Variants in MYO5C observed in about 807,000 individuals in gnomAD.
MYO5C encodes myosin VC.
A neutral mutation model predicts 235.7 loss-of-function variants in MYO5C; 194 were observed. The ratio of observed to expected loss-of-function variants is 0.82; its 90% CI spans 0.73 to 0.93. MYO5C has a LOEUF of 0.93. Among genes scored for constraint, MYO5C ranks in the 40% least tolerant of loss-of-function variants. The probability of loss-of-function intolerance (pLI) is 0.00; values close to 1 mark genes in which losing one functional copy is unlikely to be tolerated. For missense variants in MYO5C, 2,038 were observed against 2,127.2 expected (o/e 0.96, Z 0.82); for synonymous variants, 707 against 754.8 (o/e 0.94, Z 1.04).
chr15:52,268,811 G>A (rs759556315), intron 8 of MYO5C, among the ~76,000 whole-genome samples: 2 of 152,212 alleles, frequency 1.3e-5, no homozygotes, highest in Non-Finnish European at 2.9e-5. Flanking sequence ...CTGAGCAATA[G>A]AAGATGGGGT....
At chr15:52,220,559 C>A (rs1486640216) in intron 30 of MYO5C, among the ~76,000 whole-genome samples, 1 of 152,064 alleles carries the variant, frequency 6.6e-6, no homozygotes, top group African/African-American at 2.4e-5. Flanking sequence ...TAGCTCACGG[C>A]TGTAATCCCA....
chr15:52,280,030 T>A (rs546576255), intron 2 of MYO5C, among the ~76,000 whole-genome samples: 2 of 152,148 alleles, frequency 1.3e-5, no homozygotes, highest in African/African-American at 4.8e-5. Flanking sequence ...CATTCCTGAA[T>A]CTCCCACCAG....
Position 52,219,810 on chromosome 15 carries a change from T to C in MYO5C, c.3734A>G (p.Glu1245Gly). The change falls in exon 31 of 41, where the codon GAA becomes GGA. Residue 1245 changes from glutamate (E) to glycine (G), a missense_variant. Coordinates refer to ENST00000261839, the MANE Select transcript of MYO5C (RefSeq NM_018728.4). ...ACTGCGATGTAACTGATTAGACAAT[T>C]CTTCTAGTTTTCCTATAATGAGAAG... The part of the protein sequence containing the change: ...QAEKMKGKLE[E>G]LSNQLHRSQE... 1 of 1,611,810 alleles carries C rather than the reference T, an allele frequency of 6.2e-7. No homozygotes were observed. Among genetic ancestry groups the C allele is most frequent in the Non-Finnish European group, 8.5e-7 (1 of 1,178,476 alleles).
chr15:52,287,578 A>T (rs1052855308), intron 1 of MYO5C, among the ~76,000 whole-genome samples: 3 of 152,200 alleles, frequency 2.0e-5, no homozygotes, highest in Non-Finnish European at 4.4e-5. Context: ...TTGTACATGA[A>T]TTACCAAATT....
chr15:52,196,438 C>T lies in MYO5C; in HGVS notation c.4866G>A (p.Leu1622=). 1 of 1,614,118 alleles carries T rather than the reference C, an allele frequency of 6.2e-7. No homozygotes were observed. Among genetic ancestry groups the T allele is most frequent in the Non-Finnish European group, 8.5e-7 (1 of 1,179,996 alleles). ...AAGTTTCCTTTGCTAAGCTGTTCTGCAAGTTCTTATCTTTAAGCCATTCTT... is the reference window on the plus strand; with the variant it reads ...AAGTTTCCTTTGCTAAGCTGTTCTGTAAGTTCTTATCTTTAAGCCATTCTT... ...YLEEWLKDKN[L]QNSLAKETLE... Residue 1622 remains leucine (L), a synonymous_variant, in exon 39 of 41, where the codon TTG becomes TTA. Transcript: ENST00000261839.
rs370937670 is a variant in MYO5C at position 52,239,819 on chromosome 15, G to C, written c.2617C>G (p.Arg873Gly). 1 of 1,613,930 alleles carries C rather than the reference G, an allele frequency of 6.2e-7. No homozygotes were observed. Among genetic ancestry groups the C allele is most frequent in the Non-Finnish European group, 8.5e-7 (1 of 1,179,888 alleles). ...AATCGTCGGATACTCTGGAATCTGC[G>C]TCTGGCCAGCCACGCCCGTGCGTAT... ...QKYARAWLAR[R>G]RFQSIRRFVL... is the part of the protein sequence containing the mutation. The change falls in exon 21 of 41, where the codon CGC (arginine) becomes GGC (glycine). Residue 873 changes from arginine (R) to glycine (G), a missense_variant. Transcript: ENST00000261839.
chr15:52,249,330 G>A (rs1566979027), intron 13 of MYO5C, among the ~76,000 whole-genome samples: 1 of 152,166 alleles, frequency 6.6e-6, no homozygotes, highest in Admixed American at 6.5e-5. Context: ...TGCCCTTTCT[G>A]ATGAAGAAGG....
intron 29 of MYO5C, 98 bp downstream of exon 29, chr15:52,223,446 A>G: frequency 8.6e-7 from 1 of 1,162,840 alleles, no homozygotes; most frequent in East Asian, 2.4e-5. Flanking sequence ...AGTAATTTAT[A>G]TCCACTCTTT....
At chr15:52,256,601 G>GCGCGC (rs71425737) in intron 11 of MYO5C, 38 bp downstream of exon 11, 2,082 of 1,493,860 alleles carry the variant, frequency 1.4e-3, no homozygotes, top group Non-Finnish European at 1.7e-3. Flanking sequence ...GCGCGCGCGC[G>GCGCGC]GCTGAGAACT....
At chr15:52,243,718 G>T (rs142054825) in intron 19 of MYO5C, among the ~76,000 whole-genome samples, 1 of 152,238 alleles carries the variant, frequency 6.6e-6, no homozygotes, top group African/African-American at 2.4e-5. Context: ...TTTCCAGCAG[G>T]TACACCAAAG....
chr15:52,261,938 T>C lies in MYO5C; in HGVS notation c.1048-811A>G, dbSNP rs571819607. On this transcript the variant is annotated intron_variant, in intron 9 of 40. Coordinates refer to ENST00000261839, the MANE Select transcript of MYO5C (RefSeq NM_018728.4). ...TGCACTAAAAAGCCTCAGGACACAG[T>C]GTAGGAAGCCATGGAAACAGTCCTG... 2.6e-5 allele frequency among the ~76,000 whole-genome samples: 4 copies of C among 152,236 alleles called. No homozygotes were observed. In the East Asian group the frequency reaches 7.7e-4, roughly 29 times the overall value.
At chr15:52,219,726 A>T in intron 31 of MYO5C, 33 bp downstream of exon 31, 1 of 1,550,120 alleles carries the variant, frequency 6.5e-7, no homozygotes, top group Non-Finnish European at 8.9e-7. Flanking sequence ...TTACACGAGC[A>T]TGAACTTGAG....
chr15:52,293,750 G>T (rs569612889), intron 1 of MYO5C, among the ~76,000 whole-genome samples: 2 of 152,002 alleles, frequency 1.3e-5, no homozygotes, highest in African/African-American at 4.8e-5. Flanking sequence ...ATTCAGCTAC[G>T]TGACCCCGGC....
In MYO5C at chr15:52,269,827, C is replaced by T. The variant is rs1340947894; in HGVS notation, c.866G>A (p.Gly289Glu). The T allele has an allele frequency of 1.9e-6, 3 of 1,613,564 alleles. No homozygotes were observed. The highest frequency in any genetic ancestry group is 2.5e-6 in the Non-Finnish European group (3 of 1,179,604). The change falls in exon 8 of 41, where the codon GGA becomes GAA. Residue 289 changes from glycine (G) to glutamate (E), a missense_variant. Coordinates refer to ENST00000261839, the MANE Select transcript of MYO5C (RefSeq NM_018728.4). The part of the protein sequence containing the change: ...SAEEFNYTRM[G>E]GNTVIEGVND... The stretch of plus-strand genomic sequence containing the variant: ...CACACCCTCAATGACAGTATTGCCT[C>T]CCATTCTTGTATAATTAAATTCTTC...
chr15:52,229,106 C>T (rs774486914), intron 25 of MYO5C, 27 bp downstream of exon 25: 3 of 1,612,052 alleles, frequency 1.9e-6, no homozygotes, highest in South Asian at 2.2e-5. Flanking sequence ...AACCAGAGGG[C>T]GGGGCTGAAC....
chr15:52,273,291 C>G (rs549391444), intron 5 of MYO5C, among the ~76,000 whole-genome samples: 1 of 152,324 alleles, frequency 6.6e-6, no homozygotes, highest in South Asian at 2.1e-4. Flanking sequence ...CCACCGCACT[C>G]CAGCCTGGGT....
At chr15:52,295,187 C>T (rs1365279557) in intron 1 of MYO5C, among the ~76,000 whole-genome samples, 1 of 152,182 alleles carries the variant, frequency 6.6e-6, no homozygotes, top group Non-Finnish European at 1.5e-5. Flanking sequence ...TCCGCATGGG[C>T]AACTCTGATT....
intron 3 of MYO5C, 61 bp from the exon 4 acceptor site, chr15:52,279,078 T>G (rs982176920): frequency 1.3e-6 from 2 of 1,553,668 alleles, no homozygotes; most frequent in African/African-American, 2.8e-5. Flanking sequence ...CTCCAGTTTT[T>G]TTTTTTTTAA....
intron 37 of MYO5C, 46 bp from the exon 38 acceptor site, chr15:52,205,193 G>A: frequency 6.3e-7 from 1 of 1,594,084 alleles, no homozygotes; most frequent in African/African-American, 1.3e-5. Flanking sequence ...GGAGACACAC[G>A]CGGAACGTTC....
Sources: gnomAD v4.1 joint callset for allele counts (sites outside exome capture counted in the v4.1 genomes callset) on GRCh38, gnomAD v4.1.1 for gene constraint, MANE v1.5 for transcripts, NCBI Gene and HGNC (gene_info 2026-07-23, HGNC 2026-07-21) for gene names.